CACNA1C: variants seen among roughly 807,000 people sequenced by gnomAD.
CACNA1C encodes the protein voltage-dependent L-type calcium channel subunit alpha-1C.
Under a neutral mutation model 229.0 loss-of-function variants are expected in CACNA1C, and 30 were observed. The observed-to-expected ratio is 0.13, with a 90% CI of 0.10 to 0.18. The LOEUF (loss-of-function observed/expected upper bound fraction) is 0.18. Ranked by LOEUF, CACNA1C falls within the 10% of genes least tolerant of loss-of-function variation. The pLI is 1.00. For missense variants in CACNA1C, 1,658 were observed against 2,845.0 expected (o/e 0.58, Z 9.49); for synonymous variants, 1,114 against 1,132.5 (o/e 0.98, Z 0.33).
At position 2,186,988 on chromosome 12, in the gene CACNA1C, C is replaced by G. The variant is rs1566232379; in HGVS notation, c.477+66558C>G. On this transcript the variant is annotated intron_variant, in intron 3 of 46. Coordinates refer to ENST00000399655, the MANE Select transcript of CACNA1C (RefSeq NM_000719.7). Reference sequence around the variant, plus strand: ...CCCCACAAACTGGCTGTGAGCACACCCGACCCCTTTCCTGTCCTGCTGCCC... The same window carrying G: ...CCCCACAAACTGGCTGTGAGCACACGCGACCCCTTTCCTGTCCTGCTGCCC... Among the ~76,000 whole-genome samples the G allele has an allele frequency of 2.0e-5, 3 of 152,256 alleles. No individual in the cohort carries two copies. The East Asian group carries it at 5.8e-4, about 29-fold the overall frequency.
At chr12:2,232,214 TCA>T (rs1320680472) in intron 3 of CACNA1C, among the ~76,000 whole-genome samples, 1 of 149,104 alleles carries the variant, frequency 6.7e-6, no homozygotes, top group Non-Finnish European at 1.5e-5. Flanking sequence ...GTGGTAGTTC[TCA>T]GTCTTTCCTT....
chr12:2,667,209 G>T (rs1169033964), intron 37 of CACNA1C, among the ~76,000 whole-genome samples: 1 of 142,050 alleles, frequency 7.0e-6, no homozygotes, highest in Admixed American at 6.8e-5. Context: ...ACTTTAATCA[G>T]ATTCCTTAGT....
At chr12:1,974,770 T>C in intron 1 of CACNA1C, among the ~76,000 whole-genome samples, 1 of 152,190 alleles carries the variant, frequency 6.6e-6, no homozygotes, top group East Asian at 1.9e-4. Context: ...ATGTCAGTCA[T>C]TCCAGCAACA....
chr12:2,020,732 A>T (rs1254593571), intron 1 of CACNA1C, among the ~76,000 whole-genome samples: 1 of 152,180 alleles, frequency 6.6e-6, no homozygotes, highest in African/African-American at 2.4e-5. Context: ...AAGCACTGAA[A>T]TTGCACCAAA....
intron 3 of CACNA1C, among the ~76,000 whole-genome samples, chr12:2,447,815 GC>G (rs1307954619): frequency 6.6e-6 from 1 of 152,356 alleles, no homozygotes; most frequent in Non-Finnish European, 1.5e-5. Flanking sequence ...GCTCCCACAT[GC>G]ACACACCAGA....
chr12:2,105,577 C>A (rs1238034640), intron 1 of CACNA1C, among the ~76,000 whole-genome samples: 1 of 150,996 alleles, frequency 6.6e-6, no homozygotes, highest in African/African-American at 2.5e-5. Context: ...CACTGGGCGC[C>A]CACCCCGGGG....
chr12:2,472,559 A>C (rs1438410993), intron 5 of CACNA1C, among the ~76,000 whole-genome samples: 2 of 152,056 alleles, frequency 1.3e-5, no homozygotes, highest in East Asian at 3.8e-4. Context: ...CCATCCTTTA[A>C]ATATATGTAT....
intron 3 of CACNA1C, among the ~76,000 whole-genome samples, chr12:2,240,000 TAAAC>T (rs1317629774): frequency 2.0e-5 from 3 of 152,242 alleles, no homozygotes; most frequent in Non-Finnish European, 4.4e-5. Context: ...TGTGAAGACT[TAAAC>T]AAATTTCTTT....
intron 3 of CACNA1C, among the ~76,000 whole-genome samples, chr12:2,189,394 T>C (rs1329620880): frequency 6.6e-6 from 1 of 152,144 alleles, no homozygotes; most frequent in Non-Finnish European, 1.5e-5. Flanking sequence ...AAGAGTGGGA[T>C]GCGTACAAGG....
chr12:2,101,202 C>T (rs374083470), intron 1 of CACNA1C, among the ~76,000 whole-genome samples: 1 of 152,126 alleles, frequency 6.6e-6, no homozygotes, highest in African/African-American at 2.4e-5. Flanking sequence ...CAGTGACGGG[C>T]TTCTAGGTTG....
chr12:2,130,446 C>T (rs1270982855), intron 3 of CACNA1C, among the ~76,000 whole-genome samples: 2 of 103,458 alleles, frequency 1.9e-5, no homozygotes, highest in African/African-American at 3.7e-5. Flanking sequence ...AATGCTATCC[C>T]TCCCCCCTCC....
rs548890522 is a variant in CACNA1C, at chr12:2,308,631, C to T, written c.478-140345C>T. ...TCAGGAAGTGTGATGCCTCCAGCTT[C>T]GTTCTTCTTTCTCAAGAGTGCTTTG... is the stretch of plus-strand genomic sequence containing the variant. On this transcript the variant is annotated intron_variant, in intron 3 of 46. Coordinates refer to ENST00000399655, the MANE Select transcript of CACNA1C (RefSeq NM_000719.7). Among the ~76,000 whole-genome samples the T allele has an allele frequency of 5.0e-4, 76 of 152,304 alleles. 2 individuals are homozygous for T. The South Asian group carries it at 0.015, about 30-fold the overall frequency.
At chr12:2,385,447 C>T (rs1450024479) in intron 3 of CACNA1C, among the ~76,000 whole-genome samples, 2 of 152,162 alleles carry the variant, frequency 1.3e-5, no homozygotes. Context: ...TAAAATTGTT[C>T]CTGTATCCCC....
At chr12:2,313,777 T>C (rs1431907196) in intron 3 of CACNA1C, among the ~76,000 whole-genome samples, 1 of 152,298 alleles carries the variant, frequency 6.6e-6, no homozygotes, top group East Asian at 1.9e-4. Flanking sequence ...TAGCCATTGG[T>C]TGAGACTGAG....
chr12:2,548,015 T>C (rs1390622353), intron 9 of CACNA1C, among the ~76,000 whole-genome samples: 1 of 152,182 alleles, frequency 6.6e-6, no homozygotes, highest in African/African-American at 2.4e-5. Flanking sequence ...CTACGTGGCC[T>C]AGCCCTTCAA....
chr12:2,454,400 T>C (rs981337618), intron 4 of CACNA1C, among the ~76,000 whole-genome samples: 9 of 152,004 alleles, frequency 5.9e-5, no homozygotes, highest in African/African-American at 1.2e-4. Flanking sequence ...TCCGGTCCCC[T>C]CCCTCTCTCA....
intron 4 of CACNA1C, among the ~76,000 whole-genome samples, chr12:2,450,360 C>T (rs1047912131): frequency 8.6e-5 from 13 of 151,712 alleles, no homozygotes; most frequent in East Asian, 2.0e-4. Flanking sequence ...CGAGACCATC[C>T]TGGCTAACAC....
intron 8 of CACNA1C, among the ~76,000 whole-genome samples, chr12:2,508,742 A>C (rs1167960621): frequency 1.3e-5 from 2 of 152,248 alleles, no homozygotes; most frequent in South Asian, 2.1e-4. Flanking sequence ...TCATGCACAC[A>C]TCCAGAACAC....
chr12:2,545,043 G>A (rs777225872), intron 9 of CACNA1C, among the ~76,000 whole-genome samples: 23 of 152,124 alleles, frequency 1.5e-4, no homozygotes, highest in Admixed American at 1.0e-3. Flanking sequence ...CTTTTTTGGT[G>A]TAAGTTTGGC....
Sources: gnomAD v4.1 joint callset for allele counts (sites outside exome capture counted in the v4.1 genomes callset) on GRCh38, gnomAD v4.1.1 for gene constraint, MANE v1.5 for transcripts, NCBI Gene and HGNC (gene_info 2026-07-23, HGNC 2026-07-21) for gene names.